Variants in RNF44 observed in about 807,000 individuals in gnomAD.
The protein encoded by RNF44 is ring finger protein 44.
Under a neutral mutation model 53.6 loss-of-function variants are expected in RNF44, and 25 were observed. That is an observed-to-expected ratio of 0.47 (90% CI 0.34 to 0.65). RNF44 has a LOEUF of 0.65. RNF44 is among the 30% of genes least tolerant of loss of function. The pLI is 0.01. For missense variants in RNF44, 581 were observed against 595.5 expected (o/e 0.98, Z 0.25); for synonymous variants, 282 against 252.2 (o/e 1.12, Z -1.12).
Position 176,531,524 on chromosome 5 carries a change from A to C in RNF44, c.404T>G (p.Leu135Arg), listed in dbSNP as rs767518967. The C allele has an allele frequency of 6.2e-7, 1 of 1,608,116 alleles. No individual in the cohort carries two copies. Among genetic ancestry groups the C allele is most frequent in the South Asian group, 1.1e-5 (1 of 90,094 alleles). ...ACTGAACATCACGGAGCATGCTGGG[A>C]GCTGCTGGGCACTGCAGCCAGGGAT... ...QHIPGCSAQQLPACSVMFSGQ... is the reference protein window; with the variant it reads ...QHIPGCSAQQRPACSVMFSGQ... Residue 135 changes from leucine (L) to arginine (R), a missense_variant, in exon 4 of 11, where the codon CTC (leucine) becomes CGC (arginine). Around this residue, in one of 3 missense-constraint regions of RNF44, gnomAD observed 387 missense variants for 366.0 expected, o/e 1.06. Coordinates refer to ENST00000274811, the MANE Select transcript of RNF44 (RefSeq NM_014901.5). The surrounding 1 kb of genome is among the most constrained non-coding windows in gnomAD (Gnocchi z 4.2).
In RNF44 at chr5:176,529,779, G is replaced by A. The variant is rs1326785104; in HGVS notation, c.966C>T (p.Thr322=). The change falls in exon 8 of 11, where the codon ACC becomes ACT. Residue 322 remains threonine, a synonymous_variant. Coordinates refer to ENST00000274811, the MANE Select transcript of RNF44 (RefSeq NM_014901.5). ...CATCCACGTCCAGGTCCAGGCTGAT[G>A]GTGGGCCCCATTGCTGTTGGTGACA... The part of the protein sequence containing the change: ...LPMSPTAMGP[T]ISLDLDVDDV... 3 of 1,611,356 alleles carry A rather than the reference G, an allele frequency of 1.9e-6. No homozygotes were observed. The highest frequency in any genetic ancestry group is 1.7e-5 in the Admixed American group (1 of 59,746).
At chr5:176,532,598 C>T (rs900662950) in intron 1 of RNF44, 82 bp from the exon 2 acceptor site, 8 of 1,252,212 alleles carry the variant, frequency 6.4e-6, no homozygotes, top group African/African-American at 1.5e-5. Flanking sequence ...CAAAAACTAG[C>T]CAGGCATGGT....
rs1756709006 is a variant in RNF44 at position 176,531,962 on chromosome 5, G to A, written c.297+42C>T. The A allele has an allele frequency of 6.4e-7, 1 of 1,554,908 alleles. No individual in the cohort carries two copies. The highest frequency in any genetic ancestry group is 1.2e-5 in the South Asian group (1 of 83,076). On this transcript the variant is annotated intron_variant, in intron 3 of 10. Transcript: ENST00000274811. This position sits in a 1 kb window ranked among gnomAD's most constrained non-coding sequence, Gnocchi z 4.2. ...CCTTGCTGCCTCTGCCTCTCAGACT[G>A]GCTCACAGGGCCAGGGGCACAGGGG... is the stretch of plus-strand genomic sequence containing the variant.
At position 176,531,085 on chromosome 5, in the gene RNF44, T is replaced by A; in HGVS notation, c.466-64A>T. The stretch of plus-strand genomic sequence containing the variant: ...TGGGCTCTGGGCCAGGTCTACGCCA[T>A]GCCACCCAGCAAAAGGCCCCCACCG... On this transcript the variant is annotated intron_variant, in intron 4 of 10. Coordinates refer to ENST00000274811, the MANE Select transcript of RNF44 (RefSeq NM_014901.5). This position sits in a 1 kb window ranked among gnomAD's most constrained non-coding sequence, Gnocchi z 4.2. The A allele has an allele frequency of 8.0e-7, 1 of 1,252,672 alleles. No homozygotes were observed. Among genetic ancestry groups the A allele is most frequent in the African/African-American group, 1.5e-5 (1 of 65,302 alleles). The allele number at this position is 1,252,672 out of a possible 1,614,324, so 77.6% of individuals were successfully genotyped here. A position where few individuals can be genotyped will look rare whatever the true frequency, so the allele number is the denominator to read the frequency against.
chr5:176,542,063 C>T, upstream of RNF44, among the ~76,000 whole-genome samples: 1 of 152,214 alleles, frequency 6.6e-6, no homozygotes, highest in East Asian at 1.9e-4. Flanking sequence ...GAGGGCAGGG[C>T]GTCTGGAGAG....
Position 176,529,637 on chromosome 5 carries a change from A to G in RNF44, c.1022T>C (p.Leu341Pro), listed in dbSNP as rs1487622486. Residue 341 changes from leucine to proline, a missense_variant, in exon 9 of 11, where the codon CTG (leucine) becomes CCG (proline). By Grantham distance (98) the Leu-to-Pro change is moderately conservative. This residue lies in a region of RNF44 where 183 missense variants were observed against 198.6 expected (regional missense o/e 0.92). Transcript: ENST00000274811. ...ATCTCCCAGCCGCTCGGCCAGGTTC[A>G]GGAGGGCCTGCATGCGGGCAGGAGA... is the stretch of plus-strand genomic sequence containing the variant. ...DVEMENYEAL[L>P]NLAERLGDAK... 1 of 1,613,710 alleles carries G rather than the reference A, an allele frequency of 6.2e-7. No homozygotes were observed. Among genetic ancestry groups the G allele is most frequent in the Non-Finnish European group, 8.5e-7 (1 of 1,179,952 alleles).
chr5:176,539,687 TA>T (rs772083636), upstream of RNF44, among the ~76,000 whole-genome samples: 160 of 140,662 alleles, frequency 1.1e-3, no homozygotes, highest in Admixed American at 1.8e-3. Flanking sequence ...GACTCCGTCT[TA>T]AAAAAAAAAA....
chr5:176,531,434 TGGA>T lies in RNF44; in HGVS notation c.465+26_465+28del. 6.5e-7 allele frequency: 1 copy of T among 1,539,146 alleles called. No homozygotes were observed. Among genetic ancestry groups the T allele is most frequent in the South Asian group, 1.2e-5 (1 of 83,056 alleles). On this transcript the variant is annotated intron_variant, in intron 4 of 10. Transcript: ENST00000274811. The surrounding 1 kb of genome is among the most constrained non-coding windows in gnomAD (Gnocchi z 4.2). ...GCCTGTGCCTGGGGCTTGCAGCTGG[TGGA>T]GGAGGAGCTAGAAACACTCACTCAC...
chr5:176,535,773 G>C (rs945704815), intron 1 of RNF44, among the ~76,000 whole-genome samples: 1 of 152,176 alleles, frequency 6.6e-6, no homozygotes, highest in Non-Finnish European at 1.5e-5. Context: ...CTTGCTCAAG[G>C]TCAAATAGCA....
At position 176,531,770 on chromosome 5, in the gene RNF44, T is replaced by C. The variant is rs1290479788; in HGVS notation, c.298-140A>G. On this transcript the variant is annotated intron_variant, in intron 3 of 10. Transcript: ENST00000274811. The surrounding 1 kb of genome is among the most constrained non-coding windows in gnomAD (Gnocchi z 4.2). ...CGGCCTACCTCAGTGCAGACCAGAC[T>C]GTGCCTCTACTCCCAGGCCCCCGGG... The C allele has an allele frequency of 2.1e-6, 2 of 943,718 alleles. No individual in the cohort carries two copies. The highest frequency in any genetic ancestry group is 5.3e-5 in the East Asian group (2 of 37,528). The allele number at this position is 943,718 out of a possible 1,614,324, so 58.5% of individuals were successfully genotyped here.
At chr5:176,529,125 C>T (rs1314254235) in intron 10 of RNF44, 35 bp from the exon 11 acceptor site, 2 of 1,610,620 alleles carry the variant, frequency 1.2e-6, no homozygotes, top group Non-Finnish European at 1.7e-6. Flanking sequence ...TTGCTCTCAC[C>T]AGCCCCAACC....
chr5:176,528,703 TGAGG>T lies in RNF44; in HGVS notation c.*321_*324del. ...GGCCAAGGATCTCCACCGGCCCCAC[TGAGG>T]GAGCGGACCCCTGGCACTCAGTGCC... On this transcript the variant is annotated 3_prime_UTR_variant, in exon 11 of 11. Coordinates refer to ENST00000274811, the MANE Select transcript of RNF44 (RefSeq NM_014901.5). 1 of 406,096 alleles carries T rather than the reference TGAGG, an allele frequency of 2.5e-6. No homozygotes were observed. The allele number at this position is 406,096 out of a possible 1,614,324, so 25.2% of individuals were successfully genotyped here. A position where few individuals can be genotyped will look rare whatever the true frequency, so the allele number is the denominator to read the frequency against.
In RNF44 at chr5:176,529,402, G is replaced by A. The variant is rs1395832418; in HGVS notation, c.1137-15C>T. ...AGACCACACACCTGTGGAGGGGCGC[G>A]GAGCGTCACCTCCACGCTGAGGGCC... On this transcript the variant is annotated splice_polypyrimidine_tract_variant and intron_variant, in intron 9 of 10. Transcript: ENST00000274811. 9 of 1,606,956 alleles carry A rather than the reference G, an allele frequency of 5.6e-6. No individual in the cohort carries two copies. Among genetic ancestry groups the A allele is most frequent in the East Asian group, 2.2e-5 (1 of 44,796 alleles).
chr5:176,529,930 G>A (rs1391915473), intron 7 of RNF44, 112 bp from the exon 8 acceptor site: 2 of 1,391,302 alleles, frequency 1.4e-6, no homozygotes, highest in Non-Finnish European at 1.9e-6. Context: ...CAGCGGGGAA[G>A]GGAGCCCAGC....
At chr5:176,543,048 T>C in the RNF44 span, among the ~76,000 whole-genome samples, 1 of 151,510 alleles carries the variant, frequency 6.6e-6, no homozygotes, top group Non-Finnish European at 1.5e-5. The surrounding 1 kb of genome is among the most constrained non-coding windows in gnomAD (Gnocchi z 4.0). Context: ...CTCCCCGAGT[T>C]GGGGCGTTTG....
chr5:176,538,102 G>C (rs1385456095), upstream of RNF44: 1 of 152,228 alleles, frequency 6.6e-6, no homozygotes, highest in Non-Finnish European at 1.5e-5. Context: ...CGTGGCGGTG[G>C]AGGAAGAGAG....
intron 1 of RNF44, among the ~76,000 whole-genome samples, chr5:176,536,647 G>A (rs958993778): frequency 6.6e-6 from 1 of 152,198 alleles, no homozygotes; most frequent in Non-Finnish European, 1.5e-5. Flanking sequence ...CCCGGACCAT[G>A]TGCTCGGCGT....
chr5:176,529,767 G>C lies in RNF44; in HGVS notation c.978C>G (p.Asp326Glu). 2 of 1,612,276 alleles carry C rather than the reference G, an allele frequency of 1.2e-6. No homozygotes were observed. The highest frequency in any genetic ancestry group is 1.7e-6 in the Non-Finnish European group (2 of 1,179,074). ...PTAMGPTISL[D>E]LDVDDVEMEN... ...CCATCTCCACATCATCCACGTCCAG[G>C]TCCAGGCTGATGGTGGGCCCCATTG... The change falls in exon 8 of 11, where the codon GAC (aspartate) becomes GAG (glutamate). Residue 326 changes from aspartate (D) to glutamate (E), a missense_variant. This residue lies in a region of RNF44 where 183 missense variants were observed against 198.6 expected (regional missense o/e 0.92). Transcript: ENST00000274811.
chr5:176,528,878 C>T lies in RNF44; in HGVS notation c.*150G>A. 1.4e-6 allele frequency: 1 copy of T among 715,386 alleles called. No homozygotes were observed. 44.3% of individuals were successfully genotyped at this position (715,386 alleles called of 1,614,324 possible). ...ATGCAGGGGCTTATTGCAGGGACTC[C>T]TCGCTGGGCTGACCCTGGCACCAGC... On this transcript the variant is annotated 3_prime_UTR_variant, in exon 11 of 11. Transcript: ENST00000274811.
Sources: gnomAD v4.1 joint callset for allele counts (sites outside exome capture counted in the v4.1 genomes callset) on GRCh38, gnomAD v4.1.1 for gene constraint, gnomAD v4.1.1 regional missense constraint, Gnocchi (gnomAD v3.1) non-coding constraint, MANE v1.5 for transcripts, NCBI Gene and HGNC (gene_info 2026-07-23, HGNC 2026-07-21) for gene names.